Variants in SMARCAL1 observed in about 807,000 individuals in gnomAD.
SMARCAL1 encodes SNF2 related chromatin remodeling annealing helicase 1.
Under a neutral mutation model 94.5 loss-of-function variants are expected in SMARCAL1, and 58 were observed. That is an observed-to-expected ratio of 0.61 (90% CI 0.50 to 0.76). The LOEUF (loss-of-function observed/expected upper bound fraction) is 0.76. SMARCAL1 is among the 30% of genes least tolerant of loss of function. SMARCAL1 has a pLI of 0.00. For missense variants in SMARCAL1, 1,051 were observed against 1,177.9 expected, an observed-to-expected ratio of 0.89 and a Z score of 1.58; for synonymous variants, 422 against 455.1, an observed-to-expected ratio of 0.93 and a Z score of 0.93.
At position 216,416,292 on chromosome 2, in the gene SMARCAL1, G is replaced by T; in HGVS notation, c.847G>T (p.Asp283Tyr). The T allele has an allele frequency of 6.2e-7, 1 of 1,613,564 alleles. No homozygotes were observed. The highest frequency in any genetic ancestry group is 1.1e-5 in the South Asian group (1 of 90,996). The part of the protein sequence containing the change: ...DTKTWNFSMN[D>Y]YSALMKAAQS... ...CAAGACGTGGAACTTCAGCATGAAT[G>T]ACTATAGTGCCCTGAGTAAGTAGAC... Residue 283 changes from aspartate to tyrosine, a missense_variant, in exon 4 of 18, where the codon GAC (aspartate) becomes TAC (tyrosine). Around this residue, in one of 3 missense-constraint regions of SMARCAL1, gnomAD observed 398 missense variants for 395.2 expected, o/e 1.01. Coordinates refer to ENST00000357276, the MANE Select transcript of SMARCAL1 (RefSeq NM_014140.4).
chr2:216,450,771 C>G lies in SMARCAL1; in HGVS notation c.1852-75C>G, dbSNP rs1291229975. 29 of 1,246,088 alleles carry G rather than the reference C, an allele frequency of 2.3e-5. No individual in the cohort carries two copies. In the East Asian group the frequency reaches 6.5e-4, roughly 28 times the overall value. The allele number at this position is 1,246,088 out of a possible 1,614,324, so 77.2% of individuals were successfully genotyped here. ...GGGGTGGTTGTGAGAAGAGGGACCTCCCGGGATCCCAAGTCCCTGTTGGAC... is the reference window on the plus strand; with the variant it reads ...GGGGTGGTTGTGAGAAGAGGGACCTGCCGGGATCCCAAGTCCCTGTTGGAC... On this transcript the variant is annotated intron_variant, in intron 11 of 17. Transcript: ENST00000357276.
At chr2:216,424,612 CT>C (rs1693791617) in intron 6 of SMARCAL1, among the ~76,000 whole-genome samples, 1 of 152,192 alleles carries the variant, frequency 6.6e-6, no homozygotes, top group Non-Finnish European at 1.5e-5. Flanking sequence ...CTTTTGTCTC[CT>C]TCTTATGTGA....
intron 11 of SMARCAL1, among the ~76,000 whole-genome samples, chr2:216,449,225 C>T (rs1324648070): frequency 6.6e-6 from 1 of 152,220 alleles, no homozygotes; most frequent in Non-Finnish European, 1.5e-5. Context: ...CCAAAGGCCC[C>T]ACCTTCAATC....
rs952131324 is a variant in SMARCAL1, at chr2:216,475,822, C to T, written c.2427+371C>T. Among the ~76,000 whole-genome samples, 2 of 152,036 alleles carry T rather than the reference C, an allele frequency of 1.3e-5. No homozygotes were observed. The highest frequency in any genetic ancestry group is 4.8e-5 in the African/African-American group (2 of 41,390). On this transcript the variant is annotated intron_variant, in intron 15 of 17. Transcript: ENST00000357276. This position sits in a 1 kb window ranked among gnomAD's most constrained non-coding sequence, Gnocchi z 4.4. ...TTTTCACAGCAACCTGTAGGATTATCGACTCCATTTTATCAACGGGAAGGT... is the reference window on the plus strand; with the variant it reads ...TTTTCACAGCAACCTGTAGGATTATTGACTCCATTTTATCAACGGGAAGGT...
intron 5 of SMARCAL1, among the ~76,000 whole-genome samples, chr2:216,421,595 C>A (rs555006783): frequency 6.6e-6 from 1 of 152,148 alleles, no homozygotes; most frequent in South Asian, 2.1e-4. Context: ...GGCCGTTTTG[C>A]TTTAGTTTTT....
At chr2:216,454,300 T>G (rs953969718) in intron 12 of SMARCAL1, among the ~76,000 whole-genome samples, 7 of 152,146 alleles carry the variant, frequency 4.6e-5, no homozygotes, top group African/African-American at 1.7e-4. Context: ...AACTATTGAT[T>G]TCTCCCACAT....
At position 216,414,538 on chromosome 2, in the gene SMARCAL1, G is replaced by A. The variant is rs546423253; in HGVS notation, c.-58-109G>A. 1.0e-3 allele frequency: 686 copies of A among 668,260 alleles called. 2 individuals carry two copies. Among genetic ancestry groups the A allele is most frequent in the Non-Finnish European group, 1.6e-3 (588 of 374,076 alleles). The allele number at this position is 668,260 out of a possible 1,614,324, so 41.4% of individuals were successfully genotyped here. ...AAAAGAAACTTTAATACATCCTTTA[G>A]TTGTGCTCATTATGCATTTTCTGGG... On this transcript the variant is annotated intron_variant, in intron 2 of 17. Coordinates refer to ENST00000357276, the MANE Select transcript of SMARCAL1 (RefSeq NM_014140.4).
chr2:216,412,834 G>A (rs1391718875), intron 1 of SMARCAL1, 186 bp downstream of exon 1: 1 of 152,668 alleles, frequency 6.6e-6, no homozygotes, highest in Non-Finnish European at 1.5e-5. Flanking sequence ...CGTGGGGGGC[G>A]GGGGGCAGAG....
chr2:216,436,938 G>A (rs1362505264), intron 9 of SMARCAL1, among the ~76,000 whole-genome samples: 3 of 152,226 alleles, frequency 2.0e-5, no homozygotes, highest in South Asian at 2.1e-4. Context: ...GCTGGGTTGC[G>A]TCTGCCTTCA....
intron 12 of SMARCAL1, among the ~76,000 whole-genome samples, chr2:216,452,444 A>G (rs540959750): frequency 5.3e-5 from 8 of 152,320 alleles, no homozygotes; most frequent in African/African-American, 1.9e-4. Flanking sequence ...AAATTCAGAC[A>G]TGCAATATTT....
In SMARCAL1 at chr2:216,420,505, T is replaced by A. The variant is rs369180164; in HGVS notation, c.1069T>A (p.Phe357Ile). The A allele has an allele frequency of 2.9e-5, 46 of 1,613,940 alleles. No homozygotes were observed. Among genetic ancestry groups the A allele is most frequent in the Middle Eastern group, 3.3e-4 (2 of 6,084 alleles). The change falls in exon 5 of 18, where the codon TTT (phenylalanine) becomes ATT (isoleucine). Residue 357 changes from phenylalanine (F) to isoleucine (I), a missense_variant. Coordinates refer to ENST00000357276, the MANE Select transcript of SMARCAL1 (RefSeq NM_014140.4). ...ISYSQDLIALFKQMDSRRYDV... is the reference protein window; with the variant it reads ...ISYSQDLIALIKQMDSRRYDV... ...TTATTCACAGGACCTTATTGCGCTTTTTAAACAGATGGATTCCAGAAGATA... is the reference window on the plus strand; with the variant it reads ...TTATTCACAGGACCTTATTGCGCTTATTAAACAGATGGATTCCAGAAGATA...
intron 3 of SMARCAL1, chr2:216,416,039 A>T (rs1693593324): frequency 1.9e-6 from 1 of 517,506 alleles, no homozygotes. Flanking sequence ...GGTGAAGTTC[A>T]TAACTTCCCA....
chr2:216,440,081 G>C (rs1428301174), intron 10 of SMARCAL1, among the ~76,000 whole-genome samples: 1 of 151,640 alleles, frequency 6.6e-6, no homozygotes, highest in Non-Finnish European at 1.5e-5. Context: ...TTCTCTGCCA[G>C]TATTACCTAT....
intron 17 of SMARCAL1, among the ~76,000 whole-genome samples, chr2:216,478,597 C>T (rs376001817): frequency 1.2e-4 from 18 of 152,316 alleles, no homozygotes; most frequent in African/African-American, 4.3e-4. Flanking sequence ...TGAATTGTTT[C>T]AAAAAGTACA....
rs571400473 is a variant in SMARCAL1 at position 216,419,936 on chromosome 2, G to A, written c.863-363G>A. On this transcript the variant is annotated intron_variant, in intron 4 of 17. Transcript: ENST00000357276. ...TCCCAGCTACTGGGGAGTCTGAGGT[G>A]GAGGATAACTTGAGCCAGGGAGGTT... Among the ~76,000 whole-genome samples, 23 of 150,698 alleles carry A rather than the reference G, an allele frequency of 1.5e-4. No individual in the cohort carries two copies. In the East Asian group the frequency reaches 3.4e-3, roughly 22 times the overall value.
intron 13 of SMARCAL1, among the ~76,000 whole-genome samples, chr2:216,466,163 C>T (rs1694824722): frequency 6.6e-6 from 1 of 152,190 alleles, no homozygotes. Context: ...ATTCAGAGTC[C>T]ACCAGGTGCC....
chr2:216,457,912 A>G (rs1230959950), intron 12 of SMARCAL1, among the ~76,000 whole-genome samples: 2 of 152,200 alleles, frequency 1.3e-5, no homozygotes, highest in African/African-American at 4.8e-5. Flanking sequence ...TTTTTTGAAA[A>G]GATCAACAAA....
Position 216,414,516 on chromosome 2 carries a change from A to G in SMARCAL1, c.-58-131A>G, listed in dbSNP as rs973801515. On this transcript the variant is annotated intron_variant, in intron 2 of 17. Coordinates refer to ENST00000357276, the MANE Select transcript of SMARCAL1 (RefSeq NM_014140.4). ...ATTTCAGTGTGTGTGCAATTATAAAAGAAACTTTAATACATCCTTTAGTTG... is the reference window on the plus strand; with the variant it reads ...ATTTCAGTGTGTGTGCAATTATAAAGGAAACTTTAATACATCCTTTAGTTG... The G allele has an allele frequency of 4.9e-6, 3 of 618,280 alleles. No homozygotes were observed. The Admixed American group carries it at 8.6e-5, about 18-fold the overall frequency. The allele number at this position is 618,280 out of a possible 1,614,324, so 38.3% of individuals were successfully genotyped here.
intron 5 of SMARCAL1, 122 bp from the exon 6 acceptor site, chr2:216,423,511 C>T (rs1693768675): frequency 1.2e-6 from 1 of 824,888 alleles, no homozygotes; most frequent in Non-Finnish European, 2.1e-6. Flanking sequence ...AGGTACAGGA[C>T]CAGCTGCCAC....
Sources: allele counts gnomAD v4.1 joint callset (sites outside exome capture counted in the v4.1 genomes callset), GRCh38; gene constraint gnomAD v4.1.1; regional missense constraint gnomAD v4.1.1; non-coding constraint Gnocchi (gnomAD v3.1); transcripts MANE v1.5; gene names NCBI Gene and HGNC (gene_info 2026-07-23, HGNC 2026-07-21).